Variants in CPNE4 observed in about 807,000 individuals in gnomAD.
CPNE4 encodes the protein copine 4.
A neutral mutation model predicts 67.9 loss-of-function variants in CPNE4; 25 were observed. The ratio of observed to expected loss-of-function variants is 0.37; its 90% confidence interval spans 0.27 to 0.51. The LOEUF is 0.51. Among genes scored for constraint, CPNE4 ranks in the 20% least tolerant of loss-of-function variants. The pLI, the probability that CPNE4 is intolerant of heterozygous loss-of-function variation, is 0.93. For synonymous variants in CPNE4, 242 were observed against 244.9 expected (o/e 0.99, Z 0.11); for missense variants, 464 against 690.8 (o/e 0.67, Z 3.68).
chr3:132,004,349 G>T (rs1405199458), intron 1 of CPNE4, among the ~76,000 whole-genome samples: 2 of 152,002 alleles, frequency 1.3e-5, no homozygotes, highest in African/African-American at 4.8e-5. Context: ...AGAGATAACT[G>T]ATATTAATAT....
chr3:131,892,047 C>A (rs2088138892), intron 2 of CPNE4, among the ~76,000 whole-genome samples: 2 of 152,132 alleles, frequency 1.3e-5, no homozygotes. Flanking sequence ...CAAAGAGTCT[C>A]ACCTCTGCCA....
At chr3:131,786,696 A>G (rs2083574041) in intron 2 of CPNE4, among the ~76,000 whole-genome samples, 1 of 152,170 alleles carries the variant, frequency 6.6e-6, no homozygotes, top group Admixed American at 6.6e-5. Context: ...GACATTGGGC[A>G]AGATAATTAA....
At chr3:131,562,057 AAT>A (rs1382491666) in intron 11 of CPNE4, among the ~76,000 whole-genome samples, 4 of 152,046 alleles carry the variant, frequency 2.6e-5, no homozygotes, top group Non-Finnish European at 4.4e-5. Flanking sequence ...AGTTGGGGTC[AAT>A]CTTACTCTAT....
intron 2 of CPNE4, among the ~76,000 whole-genome samples, chr3:131,861,540 C>T (rs772663653): frequency 3.3e-5 from 5 of 151,948 alleles, no homozygotes; most frequent in Non-Finnish European, 5.9e-5. Flanking sequence ...AAGCGGTTCT[C>T]CTGCCTCAGC....
At chr3:132,012,399 CT>C (rs1304799194) in intron 1 of CPNE4, among the ~76,000 whole-genome samples, 3 of 152,120 alleles carry the variant, frequency 2.0e-5, no homozygotes, top group African/African-American at 7.2e-5. Flanking sequence ...AAACTCCTGG[CT>C]TCAACTGATC....
chr3:131,934,550 C>A (rs1234641122), intron 1 of CPNE4, among the ~76,000 whole-genome samples: 1 of 152,164 alleles, frequency 6.6e-6, no homozygotes, highest in African/African-American at 2.4e-5. Context: ...TCTCCTAATG[C>A]TATCACTCCT....
intron 5 of CPNE4, among the ~76,000 whole-genome samples, chr3:131,694,048 C>T (rs1328042989): frequency 1.3e-5 from 2 of 152,060 alleles, no homozygotes; most frequent in Non-Finnish European, 2.9e-5. Context: ...CTGGGGGCTA[C>T]CAGAGTTACT....
intron 1 of CPNE4, among the ~76,000 whole-genome samples, chr3:131,946,972 C>T (rs1413140989): frequency 1.3e-5 from 2 of 152,120 alleles, no homozygotes; most frequent in Admixed American, 6.6e-5. Context: ...CTTTCTCCCA[C>T]GGAAAGGTCT....
At chr3:131,659,730 T>C (rs1007499354) in intron 7 of CPNE4, among the ~76,000 whole-genome samples, 1 of 152,194 alleles carries the variant, frequency 6.6e-6, no homozygotes, top group Non-Finnish European at 1.5e-5. Context: ...GGAAGGACTG[T>C]ACCCTTTGCA....
At chr3:131,668,446 G>A (rs1040654091) in intron 7 of CPNE4, among the ~76,000 whole-genome samples, 2 of 152,132 alleles carry the variant, frequency 1.3e-5, no homozygotes, top group Admixed American at 1.3e-4. Context: ...GGACAGTGGA[G>A]GTGGGCACTC....
At chr3:131,710,176 G>A (rs142126319) in intron 3 of CPNE4, among the ~76,000 whole-genome samples, 31 of 152,238 alleles carry the variant, frequency 2.0e-4, no homozygotes, top group Non-Finnish European at 2.4e-4. Context: ...ATTATTGAGA[G>A]CATTAGATAG....
intron 2 of CPNE4, among the ~76,000 whole-genome samples, chr3:131,735,553 T>C (rs1324944667): frequency 1.3e-5 from 2 of 152,256 alleles, no homozygotes; most frequent in Non-Finnish European, 2.9e-5. Flanking sequence ...TTAGGTTTTC[T>C]AATATTTTCC....
chr3:132,010,313 A>G (rs1302019877), intron 1 of CPNE4, among the ~76,000 whole-genome samples: 1 of 152,236 alleles, frequency 6.6e-6, no homozygotes, highest in East Asian at 1.9e-4. Flanking sequence ...ATAACCAAGC[A>G]CTGATTATTA....
chr3:131,771,093 TA>T (rs1287453713), intron 2 of CPNE4, among the ~76,000 whole-genome samples: 6 of 152,174 alleles, frequency 3.9e-5, no homozygotes, highest in Non-Finnish European at 7.4e-5. Context: ...TCACCAAGTT[TA>T]AGCTCCATGA....
At chr3:131,907,177 C>G (rs561949048) in intron 1 of CPNE4, among the ~76,000 whole-genome samples, 3 of 152,266 alleles carry the variant, frequency 2.0e-5, no homozygotes, top group African/African-American at 7.2e-5. Flanking sequence ...CAGAGGCCAT[C>G]AGTGCTCTCC....
intron 11 of CPNE4, among the ~76,000 whole-genome samples, chr3:131,561,639 G>A (rs1936772363): frequency 6.6e-6 from 1 of 152,034 alleles, no homozygotes; most frequent in Non-Finnish European, 1.5e-5. Context: ...GCTGCCAGAA[G>A]CTGGGAGGAA....
At chr3:132,022,955 T>C (rs1032330062) in intron 1 of CPNE4, among the ~76,000 whole-genome samples, 2 of 152,216 alleles carry the variant, frequency 1.3e-5, no homozygotes, top group Non-Finnish European at 2.9e-5. Context: ...CACATGGAAT[T>C]ATGTCAGCTC....
intron 7 of CPNE4, among the ~76,000 whole-genome samples, chr3:131,648,583 G>T (rs1222805860): frequency 6.6e-6 from 1 of 152,120 alleles, no homozygotes; most frequent in African/African-American, 2.4e-5. Context: ...AAGACAGATG[G>T]TACTTAAAAG....
At chr3:131,581,096 C>T (rs1045909689) in intron 9 of CPNE4, among the ~76,000 whole-genome samples, 1 of 152,144 alleles carries the variant, frequency 6.6e-6, no homozygotes, top group Non-Finnish European at 1.5e-5. Flanking sequence ...TCACTTGAAC[C>T]TGGGTGGCAG....
Sources: gnomAD v4.1 joint callset for allele counts (sites outside exome capture counted in the v4.1 genomes callset) on GRCh38, gnomAD v4.1.1 for gene constraint, MANE v1.5 for transcripts, NCBI Gene and HGNC (gene_info 2026-07-23, HGNC 2026-07-21) for gene names.